CBLB: variants seen among roughly 807,000 people sequenced by gnomAD.
CBLB encodes E3 ubiquitin-protein ligase CBL-B.
CBLB carries 31 observed loss-of-function variants against 104.9 expected under a neutral mutation model. The observed-to-expected ratio is 0.30, with a 90% CI of 0.22 to 0.40. The LOEUF is 0.40. Among genes scored for constraint, CBLB ranks in the 10% least tolerant of loss-of-function variants. The pLI is 1.00. For synonymous variants in CBLB, 440 were observed against 422.6 expected (o/e 1.04, Z -0.51); for missense variants, 1,062 against 1,214.6 (o/e 0.87, Z 1.87).
intron 14 of CBLB, among the ~76,000 whole-genome samples, chr3:105,684,064 T>G (rs1476499043): frequency 6.6e-6 from 1 of 152,222 alleles, no homozygotes; most frequent in African/African-American, 2.4e-5. Context: ...AACACTGTAC[T>G]TATAAAATGT....
intron 3 of CBLB, among the ~76,000 whole-genome samples, chr3:105,834,946 T>C (rs1401304698): frequency 1.3e-5 from 2 of 152,218 alleles, no homozygotes; most frequent in Non-Finnish European, 2.9e-5. Flanking sequence ...AATTAAACTA[T>C]GACTTCATGT....
At chr3:105,839,673 G>C (rs955028853) in intron 3 of CBLB, among the ~76,000 whole-genome samples, 7 of 152,192 alleles carry the variant, frequency 4.6e-5, no homozygotes, top group Admixed American at 6.5e-5. Flanking sequence ...TGCCATTGTA[G>C]CCACAGACAG....
At chr3:105,852,985 G>A (rs549554231) in intron 3 of CBLB, among the ~76,000 whole-genome samples, 29 of 152,218 alleles carry the variant, frequency 1.9e-4, no homozygotes, top group African/African-American at 6.0e-4. Flanking sequence ...TCAAAGTGCT[G>A]GGATTACAGG....
intron 16 of CBLB, 125 bp downstream of exon 16, chr3:105,681,354 C>G (rs1167660180): frequency 1.1e-6 from 1 of 909,152 alleles, no homozygotes; most frequent in South Asian, 1.5e-5. Flanking sequence ...CCTGGAGAAC[C>G]CATTCAAATT....
rs563287208 is a variant in CBLB, at chr3:105,863,045, C to T, written c.168+4365G>A. Among the ~76,000 whole-genome samples, 6 of 152,284 alleles carry T rather than the reference C, an allele frequency of 3.9e-5. No homozygotes were observed. The South Asian group carries it at 1.2e-3, about 32-fold the overall frequency. On this transcript the variant is annotated intron_variant, in intron 2 of 18. Transcript: ENST00000394030. ...TTTGATAAATGAATGATGAAATCAA[C>T]AGATAGCACATAAAGCACCTTCTAA... is the stretch of plus-strand genomic sequence containing the variant.
chr3:105,783,688 G>A (rs1478944330), intron 3 of CBLB, among the ~76,000 whole-genome samples: 3 of 152,096 alleles, frequency 2.0e-5, no homozygotes, highest in Non-Finnish European at 4.4e-5. Context: ...AAGCTGAGAT[G>A]GAACCAGAAA....
At position 105,769,074 on chromosome 3, in the gene CBLB, G is replaced by A. The variant is rs1049006973; in HGVS notation, c.566+7322C>T. On this transcript the variant is annotated intron_variant, in intron 4 of 18. Coordinates refer to ENST00000394030, the MANE Select transcript of CBLB (RefSeq NM_170662.5). ...CATGCCTATAATCCCAGCACTTTGG[G>A]AGGCTGAGACAGGTGGATCACCTGA... Among the ~76,000 whole-genome samples, 72 of 152,312 alleles carry A rather than the reference G, an allele frequency of 4.7e-4. 1 individual carries two copies. The highest frequency in any genetic ancestry group is 2.0e-3 in the Admixed American group (30 of 15,296).
At chr3:105,841,383 G>A (rs1392592596) in intron 3 of CBLB, among the ~76,000 whole-genome samples, 1 of 151,552 alleles carries the variant, frequency 6.6e-6, no homozygotes, top group Non-Finnish European at 1.5e-5. Context: ...ATATATGTGA[G>A]ATTTCTAATA....
intron 3 of CBLB, among the ~76,000 whole-genome samples, chr3:105,827,952 T>C (rs185568033): frequency 5.3e-4 from 81 of 152,340 alleles, no homozygotes; most frequent in African/African-American, 1.8e-3. Flanking sequence ...AGCATGGTAA[T>C]GTATTTTATA....
intron 4 of CBLB, among the ~76,000 whole-genome samples, chr3:105,757,013 A>T (rs746648625): frequency 6.6e-6 from 1 of 152,026 alleles, no homozygotes; most frequent in African/African-American, 2.4e-5. Context: ...TCCTGCTCTC[A>T]CCACATGTGA....
rs1203675797 is a variant in CBLB, at chr3:105,658,282, C to T, written c.*688G>A. 2 of 220,444 alleles carry T rather than the reference C, an allele frequency of 9.1e-6. No homozygotes were observed. Among genetic ancestry groups the T allele is most frequent in the Non-Finnish European group, 1.8e-5 (2 of 109,978 alleles). The allele number at this position is 220,444 out of a possible 1,614,324, so 13.7% of individuals were successfully genotyped here. A position where few individuals can be genotyped will look rare whatever the true frequency, so the allele number is the denominator to read the frequency against. ...AGCTCCTCTATGTTATGTGAAAACC[C>T]CTTACAAAAGGCAGTTTATTGACAA... On this transcript the variant is annotated 3_prime_UTR_variant, in exon 19 of 19. Coordinates refer to ENST00000394030, the MANE Select transcript of CBLB (RefSeq NM_170662.5).
At chr3:105,816,041 T>A (rs551188808) in intron 3 of CBLB, among the ~76,000 whole-genome samples, 2 of 151,964 alleles carry the variant, frequency 1.3e-5, no homozygotes, top group African/African-American at 2.4e-5. Flanking sequence ...CATCACACAC[T>A]GGGGCCTGTC....
chr3:105,666,708 TAGA>T (rs1358631142), intron 18 of CBLB, among the ~76,000 whole-genome samples: 1 of 151,982 alleles, frequency 6.6e-6, no homozygotes, highest in East Asian at 1.9e-4. Context: ...ATACTGCCTA[TAGA>T]AGGACATGAT....
chr3:105,868,892 C>G lies in CBLB; in HGVS notation c.-171G>C. 3 of 1,015,774 alleles carry G rather than the reference C, an allele frequency of 3.0e-6. No individual in the cohort carries two copies. The highest frequency in any genetic ancestry group is 3.5e-6 in the Non-Finnish European group (3 of 850,016). The allele number at this position is 1,015,774 out of a possible 1,614,324, so 62.9% of individuals were successfully genotyped here. On this transcript the variant is annotated 5_prime_UTR_variant, in exon 1 of 19. Transcript: ENST00000394030. ...CAACCCAGCGCGCAGGCCTCCGAGA[C>G]GTGGAAACGCAACAATTACCGTCAA...
chr3:105,706,083 A>G (rs1164537999), intron 10 of CBLB, among the ~76,000 whole-genome samples: 1 of 152,194 alleles, frequency 6.6e-6, no homozygotes, highest in East Asian at 1.9e-4. Flanking sequence ...TTGACTCTAC[A>G]GTAAGCTATA....
chr3:105,821,655 A>G (rs1304304958), intron 3 of CBLB, among the ~76,000 whole-genome samples: 2 of 152,194 alleles, frequency 1.3e-5, no homozygotes, highest in African/African-American at 4.8e-5. Flanking sequence ...AAGTACTGCA[A>G]TCATCCAACC....
At chr3:105,736,989 TA>T (rs1461764426) in intron 8 of CBLB, among the ~76,000 whole-genome samples, 181 bp downstream of exon 8, 3 of 152,124 alleles carry the variant, frequency 2.0e-5, no homozygotes. Context: ...TTTAACAGCA[TA>T]AATTTGTATC....
chr3:105,708,523 C>A (rs940882059), intron 10 of CBLB, among the ~76,000 whole-genome samples: 34 of 151,988 alleles, frequency 2.2e-4, no homozygotes, highest in African/African-American at 8.0e-4. Context: ...AGCTCTAATG[C>A]CAACTGGTTA....
At chr3:105,846,378 T>C (rs1450239897) in intron 3 of CBLB, among the ~76,000 whole-genome samples, 5 of 152,062 alleles carry the variant, frequency 3.3e-5, no homozygotes, top group African/African-American at 1.2e-4. Flanking sequence ...ATATCCAATA[T>C]AGTATAATTT....
Sources: allele counts gnomAD v4.1 joint callset (sites outside exome capture counted in the v4.1 genomes callset), GRCh38; gene constraint gnomAD v4.1.1; transcripts MANE v1.5; gene names NCBI Gene and HGNC (gene_info 2026-07-23, HGNC 2026-07-21).